BTBD1: variants seen among roughly 807,000 people sequenced by gnomAD.
BTBD1 encodes BTB/POZ domain-containing protein 1.
A neutral mutation model predicts 48.0 loss-of-function variants in BTBD1; 34 were observed. That is an observed-to-expected ratio of 0.71 (90% confidence interval 0.54 to 0.94). BTBD1 has a LOEUF of 0.94. Among genes scored for constraint, BTBD1 ranks in the 40% least tolerant of loss-of-function variants. The pLI is 0.00. For synonymous variants in BTBD1, 261 were observed against 242.1 expected (o/e 1.08, Z -0.72); for missense variants, 543 against 625.6 (o/e 0.87, Z 1.41).
At chr15:83,040,228 AAG>A (rs527935995) in intron 4 of BTBD1, among the ~76,000 whole-genome samples, 74 of 152,294 alleles carry the variant, frequency 4.9e-4, no homozygotes, top group African/African-American at 1.5e-3. Flanking sequence ...GACTGTTAAA[AAG>A]GGGAAAAGAG....
chr15:83,033,018 G>A (rs941860768), intron 4 of BTBD1, among the ~76,000 whole-genome samples: 24 of 146,744 alleles, frequency 1.6e-4, no homozygotes, highest in African/African-American at 5.4e-4. Context: ...AATGATAGAT[G>A]GGAATAACTG....
chr15:83,045,716 G>A (rs1235001645), intron 3 of BTBD1, among the ~76,000 whole-genome samples: 1 of 152,098 alleles, frequency 6.6e-6, no homozygotes, highest in Non-Finnish European at 1.5e-5. Context: ...TAGCTGAGCA[G>A]ATGAGTATAA....
At chr15:83,058,212 C>T (rs963586341) in intron 1 of BTBD1, among the ~76,000 whole-genome samples, 24 of 152,210 alleles carry the variant, frequency 1.6e-4, no homozygotes, top group African/African-American at 5.8e-4. Flanking sequence ...GCTCCAGCTC[C>T]GCTGCGGCTT....
At chr15:83,042,730 T>C (rs2032792641) in intron 3 of BTBD1, among the ~76,000 whole-genome samples, 1 of 152,180 alleles carries the variant, frequency 6.6e-6, no homozygotes, top group Non-Finnish European at 1.5e-5. Flanking sequence ...CCTGCCCTCA[T>C]GGAGCTTACA....
At position 83,024,868 on chromosome 15, in the gene BTBD1, C is replaced by T. The variant is rs575321872; in HGVS notation, c.1056-4106G>A. On this transcript the variant is annotated intron_variant, in intron 5 of 7. Coordinates refer to ENST00000261721, the MANE Select transcript of BTBD1 (RefSeq NM_025238.4). ...CCACCCACTTCAGCCTCCCAAAGTG[C>T]TGGGATTACAGGCGTGAGCCAGTAC... is the stretch of plus-strand genomic sequence containing the variant. Among the ~76,000 whole-genome samples the T allele has an allele frequency of 9.2e-5, 14 of 152,252 alleles. No individual in the cohort carries two copies. In the South Asian group the frequency reaches 2.9e-3, roughly 32 times the overall value.
At chr15:83,055,604 A>T (rs576704827) in intron 2 of BTBD1, among the ~76,000 whole-genome samples, 25 of 152,352 alleles carry the variant, frequency 1.6e-4, no homozygotes, top group Admixed American at 1.2e-3. Flanking sequence ...GTGAAAACTT[A>T]AAAATGTCAG....
rs548884912 is a variant in BTBD1 at position 83,019,208 on chromosome 15, C to T, written c.1144-355G>A. On this transcript the variant is annotated intron_variant, in intron 6 of 7. Transcript: ENST00000261721. ...CTGAGTAGCTGGGATTACAGATGTG[C>T]GCGACCACACCTGGCTAATTTTTTT... Among the ~76,000 whole-genome samples, 57 of 151,986 alleles carry T rather than the reference C, an allele frequency of 3.8e-4. 1 individual carries two copies. The highest frequency in any genetic ancestry group is 1.4e-3 in the African/African-American group (56 of 41,434).
At chr15:83,051,741 C>T (rs1272334230) in intron 2 of BTBD1, among the ~76,000 whole-genome samples, 2 of 151,444 alleles carry the variant, frequency 1.3e-5, no homozygotes, top group East Asian at 3.9e-4. Flanking sequence ...TGTTTAGACA[C>T]ACAAATACTT....
intron 6 of BTBD1, 113 bp downstream of exon 6, chr15:83,020,562 C>A (rs2032274275): frequency 1.1e-5 from 8 of 698,588 alleles, no homozygotes; most frequent in Non-Finnish European, 1.2e-5. Flanking sequence ...TACTAAGGGG[C>A]CTTCTGATTG....
At chr15:83,041,375 T>C (rs1333202151) in intron 4 of BTBD1, among the ~76,000 whole-genome samples, 1 of 151,896 alleles carries the variant, frequency 6.6e-6, no homozygotes, top group Non-Finnish European at 1.5e-5. Context: ...AGAATTTTTT[T>C]TTTTTTTTGA....
At chr15:83,043,751 G>A (rs1331947887) in intron 3 of BTBD1, among the ~76,000 whole-genome samples, 1 of 152,048 alleles carries the variant, frequency 6.6e-6, no homozygotes, top group African/African-American at 2.4e-5. Context: ...AGGGATGAGG[G>A]TGGCATCAAC....
Position 83,024,812 on chromosome 15 carries a change from G to A in BTBD1, c.1056-4050C>T, listed in dbSNP as rs555471279. Among the ~76,000 whole-genome samples the A allele has an allele frequency of 2.6e-5, 4 of 152,174 alleles. No homozygotes were observed. The South Asian group carries it at 6.2e-4, about 24-fold the overall frequency. On this transcript the variant is annotated intron_variant, in intron 5 of 7. Transcript: ENST00000261721. ...AGATGGAGTTTCACCATGTTGTGCA[G>A]GCTGCTCTCAAACCCCTGGGCTCAA... is the stretch of plus-strand genomic sequence containing the variant.
chr15:83,066,672 G>T (rs2033278277), intron 1 of BTBD1, 79 bp downstream of exon 1: 1 of 1,266,906 alleles, frequency 7.9e-7, no homozygotes, highest in Non-Finnish European at 9.9e-7. Flanking sequence ...GGGAGTCCGG[G>T]TAGGCCGGGC....
intron 7 of BTBD1, 121 bp from the exon 8 acceptor site, chr15:83,018,346 G>A: frequency 1.2e-6 from 1 of 862,938 alleles, no homozygotes; most frequent in Non-Finnish European, 1.6e-6. Flanking sequence ...AAAATTTTAT[G>A]CTGTCATTTA....
At position 83,050,259 on chromosome 15, in the gene BTBD1, AAC is replaced by A. The variant is rs146092731; in HGVS notation, c.559-83_559-82del. On this transcript the variant is annotated intron_variant, in intron 2 of 7. Coordinates refer to ENST00000261721, the MANE Select transcript of BTBD1 (RefSeq NM_025238.4). ...GTACATATTTGAAATTAATATTGTC[AAC>A]AGTTATAATTGCTAATTATGTAAAA... The A allele has an allele frequency of 2.7e-3, 2,040 of 761,080 alleles. 9 individuals carry two copies. The highest frequency in any genetic ancestry group is 3.6e-3 in the Non-Finnish European group (1,740 of 482,024). The allele number at this position is 761,080 out of a possible 1,614,324, so 47.1% of individuals were successfully genotyped here. A position where few individuals can be genotyped will look rare whatever the true frequency, so the allele number is the denominator to read the frequency against.
intron 5 of BTBD1, among the ~76,000 whole-genome samples, chr15:83,025,843 C>T (rs1181794848): frequency 6.6e-6 from 1 of 152,032 alleles, no homozygotes. Flanking sequence ...GGTCTTGGCT[C>T]ACTGCCAGCT....
chr15:83,067,147 G>A lies in BTBD1; in HGVS notation c.5C>T (p.Ala2Val). The A allele has an allele frequency of 7.0e-7, 1 of 1,429,778 alleles. No homozygotes were observed. The highest frequency in any genetic ancestry group is 9.1e-7 in the Non-Finnish European group (1 of 1,098,376). The allele number at this position is 1,429,778 out of a possible 1,614,324, so 88.6% of individuals were successfully genotyped here. ...CCCAGCTGCGGCAGGCCCGAGTGAGGCCATCCTCCAGCTGCGCGGTTGCCC... is the reference window on the plus strand; with the variant it reads ...CCCAGCTGCGGCAGGCCCGAGTGAGACCATCCTCCAGCTGCGCGGTTGCCC... MASLGPAAAGEQ... is the reference protein window; with the variant it reads MVSLGPAAAGEQ... The change falls in exon 1 of 8, where the codon GCC becomes GTC. Residue 2 changes from alanine to valine, a missense_variant. Transcript: ENST00000261721.
chr15:83,056,728 C>CATCG, intron 1 of BTBD1, among the ~76,000 whole-genome samples, 183 bp from the exon 2 acceptor site: 1 of 140,326 alleles, frequency 7.1e-6, no homozygotes, highest in Non-Finnish European at 1.5e-5. Flanking sequence ...TCCATCCATC[C>CATCG]ATCGACAGGG....
chr15:83,037,974 C>T (rs1453385677), intron 4 of BTBD1, among the ~76,000 whole-genome samples: 1 of 152,150 alleles, frequency 6.6e-6, no homozygotes, highest in Non-Finnish European at 1.5e-5. Context: ...ATCCCAGCTA[C>T]TCGGGAGGCT....
Sources: gnomAD v4.1 joint callset for allele counts (sites outside exome capture counted in the v4.1 genomes callset) on GRCh38, gnomAD v4.1.1 for gene constraint, MANE v1.5 for transcripts, NCBI Gene and HGNC (gene_info 2026-07-23, HGNC 2026-07-21) for gene names.